Variants in ROBO2 observed in about 807,000 individuals in gnomAD.
ROBO2 encodes the protein roundabout homolog 2.
In ROBO2, 53 loss-of-function variants were observed where a neutral mutation model predicts 160.8. The ratio of observed to expected loss-of-function variants is 0.33; its 90% CI spans 0.26 to 0.41. The LOEUF (loss-of-function observed/expected upper bound fraction) is 0.41. ROBO2 is among the 10% of genes least tolerant of loss of function. The probability of loss-of-function intolerance (pLI) is 1.00; values close to 1 mark genes in which losing one functional copy is unlikely to be tolerated. For missense variants in ROBO2, 1,577 were observed against 1,722.4 expected (o/e 0.92, Z 1.49); for synonymous variants, 664 against 611.7 (o/e 1.09, Z -1.26).
rs533759478 is a variant in ROBO2 at position 77,510,146 on chromosome 3, C to T, written c.807-12629C>T. Among the ~76,000 whole-genome samples, 7 of 151,972 alleles carry T rather than the reference C, an allele frequency of 4.6e-5. No homozygotes were observed. The South Asian group carries it at 8.3e-4, about 18-fold the overall frequency. ...AAGTTTGAATTATTCCCTGAGCCCT[C>T]CAGAGAGCCAGTCAAGAGTGAATTG... On this transcript the variant is annotated intron_variant, in intron 5 of 25. Transcript: ENST00000461745.
chr3:76,082,497 T>A (rs2068868737), intron 2 of ROBO2, among the ~76,000 whole-genome samples: 1 of 152,092 alleles, frequency 6.6e-6, no homozygotes. Flanking sequence ...TAATTGACTC[T>A]TATCTGTATA....
At chr3:77,352,177 G>A (rs780065286) in intron 2 of ROBO2, among the ~76,000 whole-genome samples, 1 of 150,006 alleles carries the variant, frequency 6.7e-6, no homozygotes, top group African/African-American at 2.4e-5. Context: ...TTTTAAACTC[G>A]GTGCAAACCA....
In ROBO2 at chr3:76,831,547, T is replaced by C. The variant is rs577584964; in HGVS notation, c.110-266467T>C. Among the ~76,000 whole-genome samples, 4 of 152,312 alleles carry C rather than the reference T, an allele frequency of 2.6e-5. No homozygotes were observed. The East Asian group carries it at 7.7e-4, about 29-fold the overall frequency. Reference sequence around the variant, plus strand: ...ATGTTTTTCAGCTCCATTAAAATTTTCTATAATAATAAATGTATCAGCTTT... The same window carrying C: ...ATGTTTTTCAGCTCCATTAAAATTTCCTATAATAATAAATGTATCAGCTTT... On this transcript the variant is annotated intron_variant, in intron 2 of 26. Coordinates refer to the ROBO2 transcript ENST00000487694.
At chr3:77,460,201 G>C (rs912175360) in intron 2 of ROBO2, among the ~76,000 whole-genome samples, 6 of 152,130 alleles carry the variant, frequency 3.9e-5, no homozygotes, top group Non-Finnish European at 2.9e-5. Context: ...GAATGGTCAG[G>C]ATGGTGTGAG....
chr3:77,359,743 A>T (rs1314647037), intron 2 of ROBO2, among the ~76,000 whole-genome samples: 1 of 152,154 alleles, frequency 6.6e-6, no homozygotes, highest in Non-Finnish European at 1.5e-5. Context: ...CAGTGGCTTG[A>T]TAACAGCTCA....
intron 2 of ROBO2, among the ~76,000 whole-genome samples, chr3:76,564,826 T>C (rs2084414565): frequency 6.6e-6 from 1 of 152,240 alleles, no homozygotes; most frequent in African/African-American, 2.4e-5. Context: ...GTCTTTTCTC[T>C]CTTTTAAAAT....
chr3:76,809,928 A>T (rs1424839653), intron 2 of ROBO2, among the ~76,000 whole-genome samples: 1 of 152,124 alleles, frequency 6.6e-6, no homozygotes, highest in Non-Finnish European at 1.5e-5. Context: ...AGGTAAAAAA[A>T]ACTAGAATAT....
intron 2 of ROBO2, among the ~76,000 whole-genome samples, chr3:77,187,966 TAAATA>T (rs1026732934): frequency 2.2e-4 from 34 of 151,998 alleles, no homozygotes; most frequent in African/African-American, 8.2e-4. Context: ...ATGTACGCTA[TAAATA>T]AAATTATTTC....
intron 2 of ROBO2, among the ~76,000 whole-genome samples, chr3:76,763,655 A>G (rs1461010100): frequency 6.6e-6 from 1 of 151,704 alleles, no homozygotes; most frequent in Non-Finnish European, 1.5e-5. Flanking sequence ...AAAGGTCTCT[A>G]CTACGGCTTT....
chr3:77,220,410 G>A lies in ROBO2; in HGVS notation c.388+122070G>A, dbSNP rs371054996. 8.6e-5 allele frequency among the ~76,000 whole-genome samples: 13 copies of A among 151,534 alleles called. 1 individual carries two copies. The South Asian group carries it at 2.7e-3, about 32-fold the overall frequency. On this transcript the variant is annotated intron_variant, in intron 2 of 25. Coordinates refer to ENST00000461745, the Ensembl canonical transcript of ROBO2. ...TGAAAATATAGACATACTAAGAGTA[G>A]GTAAAAAATTGATTATTAATTTAAA...
chr3:77,482,180 T>A (rs2084781898), intron 4 of ROBO2, among the ~76,000 whole-genome samples: 1 of 152,138 alleles, frequency 6.6e-6, no homozygotes, highest in Non-Finnish European at 1.5e-5. Flanking sequence ...TGTGATTTTT[T>A]AGGAGCAAAA....
chr3:76,413,041 A>G (rs1559906680), intron 2 of ROBO2, among the ~76,000 whole-genome samples: 2 of 152,224 alleles, frequency 1.3e-5, no homozygotes, highest in Admixed American at 1.3e-4. Flanking sequence ...TGCAGTCTCA[A>G]CACCATGTGG....
intron 1 of ROBO2, among the ~76,000 whole-genome samples, chr3:75,937,267 G>A (rs1406675742): frequency 6.6e-6 from 1 of 151,998 alleles, no homozygotes; most frequent in Non-Finnish European, 1.5e-5. Flanking sequence ...TGATTCAGAT[G>A]AATGCTTAGA....
At chr3:76,161,681 C>A (rs1487026987) in intron 2 of ROBO2, among the ~76,000 whole-genome samples, 1 of 152,068 alleles carries the variant, frequency 6.6e-6, no homozygotes, top group Non-Finnish European at 1.5e-5. Context: ...AGGCATTTTT[C>A]GTCTTTTATC....
intron 1 of ROBO2, among the ~76,000 whole-genome samples, chr3:77,058,767 G>T (rs1329661959): frequency 6.6e-6 from 1 of 151,590 alleles, no homozygotes; most frequent in African/African-American, 2.4e-5. Context: ...CCAACTCCTG[G>T]GCTCAAGCGA....
rs565645185 is a variant in ROBO2, at chr3:76,558,228, GTCTTC to G, written c.110-539779_110-539775del. On this transcript the variant is annotated intron_variant, in intron 2 of 26. Coordinates refer to the ROBO2 transcript ENST00000487694. ...ATAAATAGTTAATAGCTTTCCTAGGGTCTTCTCTTCTGACACTTTTCAATGATTTC... is the reference window on the plus strand; with the variant it reads ...ATAAATAGTTAATAGCTTTCCTAGGGTCTTCTGACACTTTTCAATGATTTC... Among the ~76,000 whole-genome samples, 13 of 152,070 alleles carry G rather than the reference GTCTTC, an allele frequency of 8.5e-5. No homozygotes were observed. In the South Asian group the frequency reaches 2.5e-3, roughly 29 times the overall value.
chr3:76,802,627 C>G (rs544472720), intron 2 of ROBO2, among the ~76,000 whole-genome samples: 12 of 151,368 alleles, frequency 7.9e-5, no homozygotes, highest in African/African-American at 2.4e-4. Flanking sequence ...ACTCGGGAGG[C>G]TGAGGCAGGA....
chr3:76,474,181 T>C (rs1246495860), intron 2 of ROBO2, among the ~76,000 whole-genome samples: 2 of 152,182 alleles, frequency 1.3e-5, no homozygotes, highest in African/African-American at 4.8e-5. Flanking sequence ...GGTGATTAAT[T>C]TCATGTCATT....
At chr3:76,669,460 G>A (rs952293873) in intron 2 of ROBO2, among the ~76,000 whole-genome samples, 6 of 152,080 alleles carry the variant, frequency 3.9e-5, no homozygotes, top group African/African-American at 1.4e-4. Context: ...AAGAAAAAGG[G>A]AATATGAAAG....
Sources: allele counts gnomAD v4.1 joint callset (sites outside exome capture counted in the v4.1 genomes callset), GRCh38; gene constraint gnomAD v4.1.1; transcripts MANE v1.5; gene names NCBI Gene and HGNC (gene_info 2026-07-23, HGNC 2026-07-21).